The following FBXL13 variants were observed in gnomAD, a reference collection of about 807,000 sequenced individuals.
FBXL13 encodes F-box and leucine rich repeat protein 13, also known as F-box and leucine-rich repeat protein 13.
In FBXL13, 67 loss-of-function variants were observed where a neutral mutation model predicts 83.6. That is an observed-to-expected ratio of 0.80 (90% CI 0.66 to 0.98). The LOEUF (loss-of-function observed/expected upper bound fraction) is 0.98. FBXL13 is among the 50% of genes least tolerant of loss of function. The pLI, the probability that FBXL13 is intolerant of heterozygous loss-of-function variation, is 0.00. For missense variants in FBXL13, 822 were observed against 866.5 expected, an observed-to-expected ratio of 0.95 and a Z score of 0.64; for synonymous variants, 272 against 299.5, an observed-to-expected ratio of 0.91 and a Z score of 0.95.
intron 2 of FBXL13, among the ~76,000 whole-genome samples, chr7:103,052,421 T>C (rs1796909323): frequency 6.6e-6 from 1 of 152,064 alleles, no homozygotes. Flanking sequence ...TCAAAAATAT[T>C]GAGGACTAAA....
rs545548516 is a variant in FBXL13 at position 102,980,552 on chromosome 7, C to T, written c.496-12435G>A. On this transcript the variant is annotated intron_variant, in intron 6 of 19. Transcript: ENST00000313221. ...CAGCACTTTGCGAGGCTGAGGCAGG[C>T]GAATCACGAGGTCAGGAGATTGAGA... 9.2e-5 allele frequency among the ~76,000 whole-genome samples: 14 copies of T among 152,162 alleles called. 1 individual carries two copies. In the Middle Eastern group the frequency reaches 0.02, roughly 222 times the overall value.
At chr7:103,035,594 T>C (rs1794989681) in intron 2 of FBXL13, among the ~76,000 whole-genome samples, 1 of 152,090 alleles carries the variant, frequency 6.6e-6, no homozygotes, top group Admixed American at 6.5e-5. Flanking sequence ...TTACTATATG[T>C]AAAAAAATGC....
chr7:102,961,390 C>T (rs1465749959), intron 8 of FBXL13, among the ~76,000 whole-genome samples: 19 of 150,634 alleles, frequency 1.3e-4, no homozygotes, highest in African/African-American at 4.4e-4. Context: ...GAATCAATAT[C>T]GTGAAAACGG....
intron 5 of FBXL13, 65 bp from the exon 7 acceptor site, chr7:103,025,295 C>A (rs1349401163): frequency 9.7e-7 from 1 of 1,028,006 alleles, no homozygotes; most frequent in Non-Finnish European, 1.4e-6. Context: ...ATGACAGACA[C>A]AAAGCACAGT....
chr7:103,006,250 G>C (rs1041085302), intron 6 of FBXL13, among the ~76,000 whole-genome samples: 1 of 152,208 alleles, frequency 6.6e-6, no homozygotes, highest in Non-Finnish European at 1.5e-5. Context: ...GAGCTACACA[G>C]AATAAGAGCT....
chr7:102,956,159 G>A (rs760539906), intron 8 of FBXL13, among the ~76,000 whole-genome samples: 14 of 152,118 alleles, frequency 9.2e-5, no homozygotes, highest in Non-Finnish European at 1.9e-4. Context: ...ACCGAATCCA[G>A]CAGCACATCA....
intron 6 of FBXL13, among the ~76,000 whole-genome samples, chr7:102,987,528 T>C (rs1585252892): frequency 6.6e-6 from 1 of 152,136 alleles, no homozygotes; most frequent in Admixed American, 6.5e-5. Context: ...CCAAGCACAG[T>C]TCTTAGGGTA....
intron 8 of FBXL13, among the ~76,000 whole-genome samples, chr7:102,942,845 C>T (rs1821735519): frequency 6.6e-6 from 1 of 152,042 alleles, no homozygotes; most frequent in South Asian, 2.1e-4. Context: ...CTATGCTCTA[C>T]AAGAGTATTT....
chr7:102,844,699 CAATTT>C (rs1803622631), intron 17 of FBXL13, among the ~76,000 whole-genome samples: 1 of 152,188 alleles, frequency 6.6e-6, no homozygotes, highest in Non-Finnish European at 1.5e-5. Context: ...GGATGTTCTA[CAATTT>C]AATTCAACTC....
chr7:102,829,828 G>A (rs10487284), intron 18 of FBXL13, among the ~76,000 whole-genome samples: 35,617 of 152,004 alleles, frequency 0.23, 4,935 homozygotes, highest in African/African-American at 0.39. Context: ...ACACCAATGT[G>A]TTTTACGGCT....
intron 11 of FBXL13, among the ~76,000 whole-genome samples, chr7:102,903,962 T>G (rs974384756): frequency 7.2e-6 from 1 of 139,630 alleles, no homozygotes; most frequent in Non-Finnish European, 1.6e-5. Context: ...TTTTTTTTTT[T>G]GCTGTATCTT....
intron 5 of FBXL13, 30 bp from the exon 7 acceptor site, chr7:103,025,260 G>A: frequency 1.4e-6 from 2 of 1,453,918 alleles, no homozygotes; most frequent in East Asian, 2.4e-5. Context: ...AAAATTCCAT[G>A]GAATTGCTGT....
chr7:102,831,344 CAT>C (rs1452657639), intron 18 of FBXL13, among the ~76,000 whole-genome samples: 2 of 151,392 alleles, frequency 1.3e-5, no homozygotes, highest in Admixed American at 6.6e-5. Flanking sequence ...GTGCTACTGA[CAT>C]ATAGTGAGTA....
intron 1 of FBXL13, among the ~76,000 whole-genome samples, chr7:103,060,617 A>C (rs1466764018): frequency 2.0e-5 from 3 of 152,238 alleles, no homozygotes; most frequent in Non-Finnish European, 4.4e-5. Flanking sequence ...TAACTATTAT[A>C]ACCCTTGGTG....
intron 6 of FBXL13, chr7:102,973,868 G>A (rs956848368): frequency 2.5e-5 from 17 of 693,872 alleles, no homozygotes; most frequent in African/African-American, 1.4e-4. Flanking sequence ...AGAAGGCTCC[G>A]ACGTGTGCCA....
rs1469358072 is a variant in FBXL13 at position 102,992,692 on chromosome 7, C to T, written c.496-24575G>A. Among the ~76,000 whole-genome samples the T allele has an allele frequency of 3.3e-5, 5 of 152,276 alleles. No individual in the cohort carries two copies. In the East Asian group the frequency reaches 7.7e-4, roughly 24 times the overall value. Reference sequence around the variant, plus strand: ...CAGTCACAGCTCACTGCAGCCTCAACCTCTCCAGACTTAAGCAATCCTCCC... The same window carrying T: ...CAGTCACAGCTCACTGCAGCCTCAATCTCTCCAGACTTAAGCAATCCTCCC... On this transcript the variant is annotated intron_variant, in intron 6 of 19. Coordinates refer to ENST00000313221, the Ensembl canonical transcript of FBXL13.
chr7:103,012,065 G>A (rs1046350161), intron 6 of FBXL13, among the ~76,000 whole-genome samples: 23 of 152,162 alleles, frequency 1.5e-4, no homozygotes, highest in African/African-American at 5.5e-4. Flanking sequence ...GATTCTCCAA[G>A]GTCAAAATGA....
At chr7:103,066,142 A>G (rs1798370156) in intron 1 of FBXL13, among the ~76,000 whole-genome samples, 1 of 152,230 alleles carries the variant, frequency 6.6e-6, no homozygotes. Context: ...ATATTTCTGC[A>G]GTATTATAAT....
chr7:103,036,995 TA>T (rs1242186791), intron 2 of FBXL13, among the ~76,000 whole-genome samples: 4 of 152,330 alleles, frequency 2.6e-5, no homozygotes, highest in Non-Finnish European at 4.4e-5. Context: ...TGAAATAATT[TA>T]AACTACAATT....
Sources: allele counts gnomAD v4.1 joint callset (sites outside exome capture counted in the v4.1 genomes callset), GRCh38; gene constraint gnomAD v4.1.1; transcripts MANE v1.5; gene names NCBI Gene and HGNC (gene_info 2026-07-23, HGNC 2026-07-21).